Variants in HDLBP observed in about 807,000 individuals in gnomAD.
HDLBP encodes vigilin.
HDLBP carries 30 observed loss-of-function variants against 137.3 expected under a neutral mutation model. That is an observed-to-expected ratio of 0.22 (90% CI 0.16 to 0.30). The LOEUF is 0.30. HDLBP is among the 10% of genes least tolerant of loss of function. The pLI, the probability that HDLBP is intolerant of heterozygous loss-of-function variation, is 1.00. For synonymous variants in HDLBP, 606 were observed against 596.0 expected, an observed-to-expected ratio of 1.02 and a Z score of -0.24; for missense variants, 1,119 against 1,667.3, an observed-to-expected ratio of 0.67 and a Z score of 5.73.
chr2:241,308,007 G>A (rs1040605580), intron 1 of HDLBP, among the ~76,000 whole-genome samples: 1 of 152,032 alleles, frequency 6.6e-6, no homozygotes, highest in Admixed American at 6.6e-5. Context: ...GATAGATATT[G>A]CCAAGGTAAA....
At chr2:241,260,115 T>C (rs970974964) in intron 5 of HDLBP, among the ~76,000 whole-genome samples, 1 of 152,170 alleles carries the variant, frequency 6.6e-6, no homozygotes, top group African/African-American at 2.4e-5. Context: ...GTGATTCTCC[T>C]GCCTCAGCCT....
intron 16 of HDLBP, among the ~76,000 whole-genome samples, chr2:241,243,221 G>A (rs1368176092): frequency 1.3e-5 from 2 of 152,182 alleles, no homozygotes; most frequent in Non-Finnish European, 1.5e-5. Context: ...ACGGGAAGGT[G>A]AGGAAACAGA....
At position 241,256,272 on chromosome 2, in the gene HDLBP, C is replaced by G. The variant is rs755531759; in HGVS notation, c.785G>C (p.Ser262Thr). Residue 262 changes from serine to threonine, a missense_variant, in exon 7 of 28, where the codon AGC becomes ACC. Ser to Thr is a moderately conservative substitution (Grantham distance 58, BLOSUM62 1). Around this residue, in one of 4 missense-constraint regions of HDLBP, gnomAD observed 425 missense variants for 693.9 expected, o/e 0.61. Coordinates refer to ENST00000310931, the MANE Select transcript of HDLBP (RefSeq NM_005336.6). ...GAAGACAATCTCTGTCCGGTTCACG[C>G]TGGGTGGGGGGATGTTGATGCGCGT... is the stretch of plus-strand genomic sequence containing the variant. ...TGTRINIPPP[S>T]VNRTEIVFTG... The G allele has an allele frequency of 6.2e-7, 1 of 1,614,194 alleles. No homozygotes were observed. The highest frequency in any genetic ancestry group is 1.1e-5 in the South Asian group (1 of 91,092).
chr2:241,236,340 C>T (rs1427144161), intron 21 of HDLBP: 10 of 493,754 alleles, frequency 2.0e-5, no homozygotes, highest in Non-Finnish European at 1.1e-5. Flanking sequence ...CCTTCCACAG[C>T]CCCCGCACCC....
intron 5 of HDLBP, among the ~76,000 whole-genome samples, chr2:241,261,186 T>C (rs2073138426): frequency 1.0e-5 from 1 of 100,030 alleles, no homozygotes; most frequent in Non-Finnish European, 1.9e-5. Context: ...CAAAGTGAGA[T>C]CCTGTCTCAA....
intron 1 of HDLBP, among the ~76,000 whole-genome samples, chr2:241,297,036 T>A (rs866990636): frequency 4.6e-5 from 7 of 152,220 alleles, no homozygotes; most frequent in African/African-American, 1.7e-4. Context: ...CACGTATCAG[T>A]CTGGAAAAAG....
intron 1 of HDLBP, among the ~76,000 whole-genome samples, chr2:241,287,872 A>G (rs1363047845): frequency 6.6e-6 from 1 of 152,236 alleles, no homozygotes; most frequent in Admixed American, 6.5e-5. Flanking sequence ...AAGCATCAAC[A>G]TGAACAGCTG....
chr2:241,268,578 A>T, intron 1 of HDLBP, 37 bp from the exon 2 acceptor site: 1 of 811,064 alleles, frequency 1.2e-6, no homozygotes, highest in African/African-American at 1.9e-5. Context: ...GAGAGAGAGG[A>T]AACCAGAGAA....
chr2:241,238,895 T>C lies in HDLBP; in HGVS notation c.2611-108A>G. The C allele has an allele frequency of 1.2e-6, 1 of 831,690 alleles. No individual in the cohort carries two copies. The highest frequency in any genetic ancestry group is 1.8e-6 in the Non-Finnish European group (1 of 565,518). 51.5% of individuals were successfully genotyped at this position (831,690 alleles called of 1,614,324 possible). A position where few individuals can be genotyped will look rare whatever the true frequency, so the allele number is the denominator to read the frequency against. ...CTTCCTCCCTGTCCTCTACAGCCAC[T>C]TGGCACAGATGCTCCCCTTCTCCCG... On this transcript the variant is annotated intron_variant, in intron 19 of 27. Coordinates refer to ENST00000310931, the MANE Select transcript of HDLBP (RefSeq NM_005336.6). This position sits in a 1 kb window ranked among gnomAD's most constrained non-coding sequence, Gnocchi z 4.9.
chr2:241,301,237 T>C (rs1017725500), intron 1 of HDLBP, among the ~76,000 whole-genome samples: 5 of 151,524 alleles, frequency 3.3e-5, no homozygotes, highest in South Asian at 2.1e-4. Flanking sequence ...TCTGCCCACC[T>C]AGGCCTCCCA....
intron 1 of HDLBP, among the ~76,000 whole-genome samples, chr2:241,308,276 T>C (rs2075645013): frequency 6.6e-6 from 1 of 152,224 alleles, no homozygotes; most frequent in South Asian, 2.1e-4. Context: ...TTTCTACCAG[T>C]GTTTCAGCAA....
chr2:241,256,583 ACTCACACAGGC>A lies in HDLBP; in HGVS notation c.657+6_657+16del. 1 of 1,611,504 alleles carries A rather than the reference ACTCACACAGGC, an allele frequency of 6.2e-7. No homozygotes were observed. Among genetic ancestry groups the A allele is most frequent in the Non-Finnish European group, 8.5e-7 (1 of 1,178,426 alleles). The stretch of plus-strand genomic sequence containing the variant: ...AAGCAGGTAGGCAGGGGCACGAGGC[ACTCACACAGGC>A]CTCACCTGCTCGGCAGAGATGAGTA... On this transcript the variant is annotated splice_donor_region_variant and intron_variant, in intron 6 of 27. Coordinates refer to ENST00000310931, the MANE Select transcript of HDLBP (RefSeq NM_005336.6).
In HDLBP at chr2:241,238,831, A is replaced by T. The variant is rs2070877901; in HGVS notation, c.2611-44T>A. ...AGAAAAAAGAAAAGAGCAAAGATTA[A>T]ATTCCTTAGGGCAAGTTTTACAGCA... On this transcript the variant is annotated intron_variant, in intron 19 of 27. Transcript: ENST00000310931. This position sits in a 1 kb window ranked among gnomAD's most constrained non-coding sequence, Gnocchi z 4.9. 6.8e-7 allele frequency: 1 copy of T among 1,472,800 alleles called. No individual in the cohort carries two copies. The highest frequency in any genetic ancestry group is 9.1e-7 in the Non-Finnish European group (1 of 1,099,278). 91.2% of individuals were successfully genotyped at this position (1,472,800 alleles called of 1,614,324 possible). A position where few individuals can be genotyped will look rare whatever the true frequency, so the allele number is the denominator to read the frequency against.
Position 241,228,126 on chromosome 2 carries a change from G to A in HDLBP, c.*1475C>T, listed in dbSNP as rs1013852696. 3.9e-5 allele frequency: 6 copies of A among 152,286 alleles called. No individual in the cohort carries two copies. The highest frequency in any genetic ancestry group is 1.3e-4 in the Admixed American group (2 of 15,292). 9.4% of individuals were successfully genotyped at this position (152,286 alleles called of 1,614,324 possible). ...TCAACTGAGAGTGAGGTGTCAAGGC[G>A]GAAGCGACTGTCCCCAGGGAAGGGC... On this transcript the variant is annotated 3_prime_UTR_variant, in exon 28 of 28. Transcript: ENST00000310931.
At chr2:241,310,866 G>A (rs1384118776) in intron 1 of HDLBP, among the ~76,000 whole-genome samples, 2 of 152,224 alleles carry the variant, frequency 1.3e-5, no homozygotes, top group Non-Finnish European at 2.9e-5. Flanking sequence ...TTCACTCCCA[G>A]CACTTCGGGA....
At position 241,236,724 on chromosome 2, in the gene HDLBP, C is replaced by T; in HGVS notation, c.2795G>A (p.Gly932Glu). 6.2e-7 allele frequency: 1 copy of T among 1,614,184 alleles called. No homozygotes were observed. Reference protein sequence around the residue: ...PVVQENGDEAGEGREAKDCDP... With the variant: ...PVVQENGDEAEEGREAKDCDP... ...ACAATCTTTAGCCTCTCTCCCCTCC[C>T]CAGCTTCGTCCCCATTCTCCTGGAC... Residue 932 changes from glycine to glutamate, a missense_variant, in exon 21 of 28, where the codon GGG becomes GAG. Transcript: ENST00000310931.
intron 1 of HDLBP, among the ~76,000 whole-genome samples, chr2:241,311,656 T>C (rs752028443): frequency 1.1e-4 from 17 of 152,154 alleles, no homozygotes; most frequent in Non-Finnish European, 2.4e-4. Context: ...TGACAAAATA[T>C]AGAAAACTGA....
At chr2:241,280,114 G>C (rs575226936) in intron 1 of HDLBP, 4 of 985,378 alleles carry the variant, frequency 4.1e-6, no homozygotes, top group Admixed American at 6.1e-5. Flanking sequence ...TGGGAGCTAA[G>C]TTTAGCACAA....
In HDLBP at chr2:241,230,799, G is replaced by A. The variant is rs767353594; in HGVS notation, c.3434C>T (p.Ala1145Val). 1 of 1,614,250 alleles carries A rather than the reference G, an allele frequency of 6.2e-7. No individual in the cohort carries two copies. The highest frequency in any genetic ancestry group is 8.5e-7 in the Non-Finnish European group (1 of 1,180,034). The change falls in exon 25 of 28, where the codon GCC (alanine) becomes GTC (valine). Residue 1145 changes from alanine (A) to valine (V), a missense_variant. By Grantham distance (64) the Ala-to-Val change is moderately conservative. Coordinates refer to ENST00000310931, the MANE Select transcript of HDLBP (RefSeq NM_005336.6). The surrounding 1 kb of genome is among the most constrained non-coding windows in gnomAD (Gnocchi z 5.0). ...DHRVHARIIG[A>V]RGKAIRKIMD... is the part of the protein sequence containing the mutation. ...GATTTTGCGAATGGCTTTGCCGCGG[G>A]CACCAATGATGCGGGCGTGAACGCG... is the stretch of plus-strand genomic sequence containing the variant.
Sources: allele counts gnomAD v4.1 joint callset (sites outside exome capture counted in the v4.1 genomes callset), GRCh38; gene constraint gnomAD v4.1.1; regional missense constraint gnomAD v4.1.1; non-coding constraint Gnocchi (gnomAD v3.1); transcripts MANE v1.5; gene names NCBI Gene and HGNC (gene_info 2026-07-23, HGNC 2026-07-21).